Variants in SBF1 observed in about 807,000 individuals in gnomAD.
SBF1 encodes SET binding factor 1.
A neutral mutation model predicts 215.8 loss-of-function variants in SBF1; 65 were observed. That is an observed-to-expected ratio of 0.30 (90% confidence interval 0.25 to 0.37). SBF1 has a LOEUF of 0.37. SBF1 is among the 10% of genes least tolerant of loss of function. The pLI is 1.00. For missense variants in SBF1, 2,634 were observed against 2,667.8 expected (o/e 0.99, Z 0.28); for synonymous variants, 1,410 against 1,122.8 (o/e 1.26, Z -5.11).
At chr22:50,469,457 C>A (rs1018078175) in intron 1 of SBF1, among the ~76,000 whole-genome samples, 6 of 152,216 alleles carry the variant, frequency 3.9e-5, no homozygotes, top group African/African-American at 1.4e-4. Flanking sequence ...CTGTGGCTCA[C>A]CCCTGGAGAG....
At chr22:50,463,155 G>C (rs1359162935) in intron 16 of SBF1, 128 bp downstream of exon 16, 2 of 1,308,864 alleles carry the variant, frequency 1.5e-6, no homozygotes, top group South Asian at 1.3e-5. Context: ...TGCAGACCGA[G>C]GACCCCTGCC....
chr22:50,460,807 T>A (rs971005297), intron 23 of SBF1, 95 bp from the exon 24 acceptor site: 2 of 1,354,110 alleles, frequency 1.5e-6, no homozygotes, highest in Non-Finnish European at 2.1e-6. Flanking sequence ...CTCGCAGCCA[T>A]GACAGAGAGA....
chr22:50,457,638 G>A (rs531517221), intron 28 of SBF1, among the ~76,000 whole-genome samples: 12 of 152,336 alleles, frequency 7.9e-5, no homozygotes, highest in African/African-American at 2.4e-4. Flanking sequence ...CCAAAAGGAC[G>A]GAGAGCAGCT....
chr22:50,465,226 G>C lies in SBF1; in HGVS notation c.1192C>G (p.Arg398Gly). The change falls in exon 11 of 41, where the codon CGC becomes GGC. Residue 398 changes from arginine to glycine, a missense_variant. Transcript: ENST00000380817. ...VVRIHPEPVI[R>G]FHKAAFLGQR... ...ACCAGGCACCCCACCTTATGGAAGC[G>C]GATGACAGGCTCCGGGTGGATGCGC... 5.0e-6 allele frequency: 8 copies of C among 1,612,504 alleles called. No individual in the cohort carries two copies. Among genetic ancestry groups the C allele is most frequent in the Non-Finnish European group, 6.8e-6 (8 of 1,179,412 alleles).
At chr22:50,472,253 A>G (rs2068022845) in intron 1 of SBF1, among the ~76,000 whole-genome samples, 1 of 152,156 alleles carries the variant, frequency 6.6e-6, no homozygotes, top group Admixed American at 6.5e-5. Flanking sequence ...AGAGGTTTCC[A>G]GCTGGTAACC....
rs949337205 is a variant in SBF1 at position 50,463,498 on chromosome 22, G to C, written c.1750-66C>G. On this transcript the variant is annotated intron_variant, in intron 15 of 40. Transcript: ENST00000380817. Reference sequence around the variant, plus strand: ...AAGACCCACTCGGGGCCCTGGCAGGGAGGGCAGCAGGTGTCCAGGAGACCC... The same window carrying C: ...AAGACCCACTCGGGGCCCTGGCAGGCAGGGCAGCAGGTGTCCAGGAGACCC... 5.4e-6 allele frequency: 8 copies of C among 1,470,166 alleles called. No homozygotes were observed. The African/African-American group carries it at 7.0e-5, about 13-fold the overall frequency. The allele number at this position is 1,470,166 out of a possible 1,614,324, so 91.1% of individuals were successfully genotyped here.
In SBF1 at chr22:50,462,253, G is replaced by A. The variant is rs756183017; in HGVS notation, c.2348C>T (p.Ala783Val). 1 of 1,609,920 alleles carries A rather than the reference G, an allele frequency of 6.2e-7. No individual in the cohort carries two copies. Among genetic ancestry groups the A allele is most frequent in the Admixed American group, 1.7e-5 (1 of 60,024 alleles). ...SSKSRLLRER[A>V]GLGDLESASN... Reference sequence around the variant, plus strand: ...GGCGCTCTCCAGGTCGCCCAGCCCGGCACGCTCCCGAAGTAGGCGGCTCTT... The same window carrying A: ...GGCGCTCTCCAGGTCGCCCAGCCCGACACGCTCCCGAAGTAGGCGGCTCTT... The change falls in exon 19 of 41, where the codon GCC becomes GTC. Residue 783 changes from alanine (A) to valine (V), a missense_variant. Ala to Val is a moderately conservative substitution (Grantham distance 64, BLOSUM62 0). Coordinates refer to ENST00000380817, the MANE Select transcript of SBF1 (RefSeq NM_002972.4).
intron 2 of SBF1, 39 bp from the exon 3 acceptor site, chr22:50,467,962 C>A (rs2067846396): frequency 6.2e-7 from 1 of 1,607,758 alleles, no homozygotes; most frequent in Non-Finnish European, 8.5e-7. Flanking sequence ...TCCCCCTACA[C>A]CTGTGGCAGG....
rs2066807555 is a variant in SBF1, at chr22:50,446,355, G to GGCCCCCCCCCCCCCCCCC, written c.*786_*787insGGGGGGGGGGGGGGGGGC. ...ACCTGCATTCCCCTGGGAGCCCACTGTCCCCCCCCCCCCCCCGCCTCCGGC... is the reference window on the plus strand; with the variant it reads ...ACCTGCATTCCCCTGGGAGCCCACTGGCCCCCCCCCCCCCCCCCTCCCCCCCCCCCCCCCGCCTCCGGC... On this transcript the variant is annotated 3_prime_UTR_variant, in exon 41 of 41. Transcript: ENST00000380817. 1 of 49,580 alleles carries GGCCCCCCCCCCCCCCCCC rather than the reference G, an allele frequency of 2.0e-5. No individual in the cohort carries two copies. Among genetic ancestry groups the GGCCCCCCCCCCCCCCCCC allele is most frequent in the Admixed American group, 2.1e-4 (1 of 4,856 alleles). The allele number at this position is 49,580 out of a possible 1,614,324, so 3.1% of individuals were successfully genotyped here.
rs2066808396 is a variant in SBF1 at position 50,446,356 on chromosome 22, T to TTCCCCCCCCCCCC, written c.*785_*786insGGGGGGGGGGGGA. ...CCTGCATTCCCCTGGGAGCCCACTGTCCCCCCCCCCCCCCCGCCTCCGGCC... is the reference window on the plus strand; with the variant it reads ...CCTGCATTCCCCTGGGAGCCCACTGTTCCCCCCCCCCCCCCCCCCCCCCCCCCCGCCTCCGGCC... On this transcript the variant is annotated 3_prime_UTR_variant, in exon 41 of 41. Transcript: ENST00000380817. 1 of 35,048 alleles carries TTCCCCCCCCCCCC rather than the reference T, an allele frequency of 2.9e-5. No homozygotes were observed. The highest frequency in any genetic ancestry group is 1.3e-4 in the African/African-American group (1 of 7,646). The allele number at this position is 35,048 out of a possible 1,614,324, so 2.2% of individuals were successfully genotyped here. A position where few individuals can be genotyped will look rare whatever the true frequency, so the allele number is the denominator to read the frequency against.
intron 1 of SBF1, among the ~76,000 whole-genome samples, chr22:50,472,219 C>T (rs2148615899): frequency 6.6e-6 from 1 of 152,318 alleles, no homozygotes; most frequent in East Asian, 1.9e-4. Context: ...TTTACCTTCT[C>T]AGGGCCCCTC....
chr22:50,453,584 G>A (rs1316604857), intron 36 of SBF1, among the ~76,000 whole-genome samples: 2 of 152,124 alleles, frequency 1.3e-5, no homozygotes, highest in Admixed American at 6.6e-5. Context: ...TCAGGAGATC[G>A]AGACCATCCT....
intron 38 of SBF1, among the ~76,000 whole-genome samples, chr22:50,447,823 G>A (rs2066894031): frequency 6.6e-6 from 1 of 152,234 alleles, no homozygotes; most frequent in East Asian, 1.9e-4. Flanking sequence ...CCAGAAAGGA[G>A]ACAGTGAAGG....
At chr22:50,461,907 C>G in intron 20 of SBF1, 38 bp from the exon 21 acceptor site, 1 of 1,614,042 alleles carries the variant, frequency 6.2e-7, no homozygotes, top group Non-Finnish European at 8.5e-7. Flanking sequence ...TGCCCAGCCC[C>G]ACCCATCCAA....
Position 50,459,521 on chromosome 22 carries a change from G to T in SBF1, c.3637C>A (p.His1213Asn), listed in dbSNP as rs1417856214. Residue 1213 changes from histidine (H) to asparagine (N), a missense_variant, in exon 27 of 41, where the codon CAT (histidine) becomes AAT (asparagine). Transcript: ENST00000380817. The stretch of plus-strand genomic sequence containing the variant: ...AAGAGGCCGACGACACCTTTGCCAT[G>T]CAGGCCTCCAGAGCGCAGCAGCACC... ...KAVLLRSGGL[H>N]GKGVVGLFKA... 2 of 1,610,140 alleles carry T rather than the reference G, an allele frequency of 1.2e-6. No individual in the cohort carries two copies. The highest frequency in any genetic ancestry group is 1.7e-6 in the Non-Finnish European group (2 of 1,179,798).
chr22:50,474,782 T>C lies in SBF1; in HGVS notation c.55+4A>G, dbSNP rs1356824957. Reference sequence around the variant, plus strand: ...GGCCCTCAGCGCTTGGCCTCGGCACTCACCGCGCGGGTGCGGCCCGAACGC... The same window carrying C: ...GGCCCTCAGCGCTTGGCCTCGGCACCCACCGCGCGGGTGCGGCCCGAACGC... On this transcript the variant is annotated splice_donor_region_variant and intron_variant, in intron 1 of 40. Coordinates refer to ENST00000380817, the MANE Select transcript of SBF1 (RefSeq NM_002972.4). The C allele has an allele frequency of 6.8e-7, 1 of 1,460,048 alleles. No individual in the cohort carries two copies. Among genetic ancestry groups the C allele is most frequent in the Non-Finnish European group, 9.0e-7 (1 of 1,110,350 alleles). 90.4% of individuals were successfully genotyped at this position (1,460,048 alleles called of 1,614,324 possible).
chr22:50,447,675 G>A (rs1431595808), intron 38 of SBF1, 66 bp from the exon 39 acceptor site: 3 of 1,211,786 alleles, frequency 2.5e-6, no homozygotes, highest in Non-Finnish European at 3.6e-6. Context: ...GGCCCCAGCA[G>A]TCGTCCCCCC....
chr22:50,456,801 G>A (rs2067271438), intron 29 of SBF1, 128 bp from the exon 30 acceptor site: 3 of 852,472 alleles, frequency 3.5e-6, no homozygotes, highest in Non-Finnish European at 3.5e-6. Context: ...GACCCCAGCA[G>A]GGCCGTGCGA....
rs765734555 is a variant in SBF1, at chr22:50,445,622, G to A, written c.*1520C>T. 5.3e-5 allele frequency: 8 copies of A among 152,316 alleles called. No homozygotes were observed. Among genetic ancestry groups the A allele is most frequent in the Non-Finnish European group, 1.2e-4 (8 of 68,096 alleles). The allele number at this position is 152,316 out of a possible 1,614,324, so 9.4% of individuals were successfully genotyped here. On this transcript the variant is annotated 3_prime_UTR_variant, in exon 41 of 41. Transcript: ENST00000380817. ...CCTTTCTCCCCTTACTCTGACCTGT[G>A]GGTTTTCCAGGTGCCAGGAACTTCG...
Sources: allele counts gnomAD v4.1 joint callset (sites outside exome capture counted in the v4.1 genomes callset), GRCh38; gene constraint gnomAD v4.1.1; transcripts MANE v1.5; gene names NCBI Gene and HGNC (gene_info 2026-07-23, HGNC 2026-07-21).